Variants in SDK1 observed in about 807,000 individuals in gnomAD.
The protein encoded by SDK1 is sidekick cell adhesion molecule 1.
A neutral mutation model predicts 245.5 loss-of-function variants in SDK1; 157 were observed. That is an observed-to-expected ratio of 0.64 (90% CI 0.56 to 0.73). The LOEUF is 0.73. SDK1 is among the 30% of genes least tolerant of loss of function. The probability of loss-of-function intolerance (pLI) is 0.00; values close to 1 mark genes in which losing one functional copy is unlikely to be tolerated. For missense variants in SDK1, 3,583 were observed against 3,002.3 expected, an observed-to-expected ratio of 1.19 and a Z score of -4.52; for synonymous variants, 1,647 against 1,278.5, an observed-to-expected ratio of 1.29 and a Z score of -6.15.
chr7:3,466,266 G>T (rs570158685), intron 1 of SDK1, among the ~76,000 whole-genome samples: 252 of 151,690 alleles, frequency 1.7e-3, no homozygotes, highest in African/African-American at 5.9e-3. Context: ...TGGGAGCCGT[G>T]TTCTGCAGGC....
intron 5 of SDK1, among the ~76,000 whole-genome samples, chr7:3,839,159 G>A (rs898119700): frequency 6.6e-6 from 1 of 152,158 alleles, no homozygotes; most frequent in Non-Finnish European, 1.5e-5. Flanking sequence ...CCTCTCAGCT[G>A]TCCTTTCACG....
chr7:4,206,654 C>T (rs887998197), intron 36 of SDK1, among the ~76,000 whole-genome samples: 3 of 151,904 alleles, frequency 2.0e-5, no homozygotes, highest in African/African-American at 4.8e-5. Flanking sequence ...ATCCATGGGG[C>T]GGGAAGCACC....
At chr7:3,597,069 A>C (rs1157530177) in intron 1 of SDK1, among the ~76,000 whole-genome samples, 5 of 151,752 alleles carry the variant, frequency 3.3e-5, no homozygotes, top group Non-Finnish European at 7.4e-5. Context: ...AGGAGATCGA[A>C]ACCATCCTGG....
intron 35 of SDK1, among the ~76,000 whole-genome samples, chr7:4,182,780 C>T (rs1782672758): frequency 6.6e-6 from 1 of 152,180 alleles, no homozygotes; most frequent in African/African-American, 2.4e-5. Context: ...GGTGAGGGTG[C>T]ACAGGCTGGC....
chr7:3,455,839 TTG>T (rs1427856527), intron 1 of SDK1, among the ~76,000 whole-genome samples: 1 of 152,234 alleles, frequency 6.6e-6, no homozygotes, highest in African/African-American at 2.4e-5. Flanking sequence ...TTGATAGGAA[TTG>T]TGTTAAGCCA....
intron 1 of SDK1, among the ~76,000 whole-genome samples, chr7:3,504,547 G>C (rs2128609370): frequency 6.6e-6 from 1 of 152,240 alleles, no homozygotes; most frequent in South Asian, 2.1e-4. Flanking sequence ...ATGCTATTAA[G>C]ACGGTTAAAC....
chr7:3,737,223 G>A (rs1779340767), intron 4 of SDK1, among the ~76,000 whole-genome samples: 1 of 152,206 alleles, frequency 6.6e-6, no homozygotes, highest in African/African-American at 2.4e-5. Context: ...CATAGGCTGG[G>A]CTCCGCAGTT....
rs944001058 is a variant in SDK1 at position 4,113,243 on chromosome 7, C to G, written c.3435-46C>G. 3 of 1,591,478 alleles carry G rather than the reference C, an allele frequency of 1.9e-6. No individual in the cohort carries two copies. The African/African-American group carries it at 4.1e-5, about 21-fold the overall frequency. On this transcript the variant is annotated intron_variant, in intron 23 of 44. Coordinates refer to ENST00000404826, the MANE Select transcript of SDK1 (RefSeq NM_152744.4). ...CCTTTGTGGTTTCGTTCTTTTCCTT[C>G]TTACCTTTGCTTTGCCGTGACTCTC...
intron 2 of SDK1, among the ~76,000 whole-genome samples, chr7:3,624,266 C>G (rs1046713320): frequency 6.6e-6 from 1 of 152,192 alleles, no homozygotes; most frequent in Non-Finnish European, 1.5e-5. Flanking sequence ...GTGGCCTGAT[C>G]ATGGCTTACT....
chr7:3,670,183 T>C (rs567028518), intron 4 of SDK1, among the ~76,000 whole-genome samples: 1 of 152,352 alleles, frequency 6.6e-6, no homozygotes, highest in African/African-American at 2.4e-5. Context: ...CAGAATGATA[T>C]ATTAATATGA....
chr7:4,076,417 A>G (rs963403260), intron 20 of SDK1, among the ~76,000 whole-genome samples: 2 of 152,132 alleles, frequency 1.3e-5, no homozygotes, highest in Non-Finnish European at 2.9e-5. Context: ...TTAGCCAGGC[A>G]TGGTGGTTCA....
chr7:3,899,710 C>T (rs558694916), intron 5 of SDK1, among the ~76,000 whole-genome samples: 6 of 152,336 alleles, frequency 3.9e-5, no homozygotes, highest in South Asian at 4.1e-4. Flanking sequence ...CCTCCTCTGT[C>T]GGCCATCAGC....
chr7:4,263,294 C>T (rs896445992), intron 44 of SDK1, among the ~76,000 whole-genome samples: 8 of 150,354 alleles, frequency 5.3e-5, no homozygotes, highest in African/African-American at 1.7e-4. Flanking sequence ...ATCTTCCCCA[C>T]CCCTGGGGCT....
chr7:3,408,004 C>T (rs745510920), intron 1 of SDK1, among the ~76,000 whole-genome samples: 6 of 151,700 alleles, frequency 4.0e-5, no homozygotes, highest in East Asian at 1.9e-4. Flanking sequence ...TAGGCAAAGG[C>T]GAGTGTATGA....
intron 1 of SDK1, among the ~76,000 whole-genome samples, chr7:3,337,418 A>G (rs1780231046): frequency 6.6e-6 from 1 of 152,012 alleles, no homozygotes. Context: ...AAGAGATAAC[A>G]CTTGTGTTGT....
At chr7:3,690,437 TC>T in intron 4 of SDK1, among the ~76,000 whole-genome samples, 1 of 152,240 alleles carries the variant, frequency 6.6e-6, no homozygotes, top group East Asian at 1.9e-4. Flanking sequence ...CAGGGATTTA[TC>T]CTTTTATAAT....
intron 5 of SDK1, among the ~76,000 whole-genome samples, chr7:3,936,898 G>A (rs866867674): frequency 6.6e-6 from 1 of 152,154 alleles, no homozygotes; most frequent in Non-Finnish European, 1.5e-5. Context: ...TACAGGTGGG[G>A]ACACTCAGGT....
chr7:3,448,981 TG>T (rs1780431064), intron 1 of SDK1, among the ~76,000 whole-genome samples: 1 of 152,100 alleles, frequency 6.6e-6, no homozygotes, highest in African/African-American at 2.4e-5. Flanking sequence ...TTTAAGACCC[TG>T]GGGAAAAAAG....
intron 42 of SDK1, among the ~76,000 whole-genome samples, chr7:4,239,148 C>T (rs1405273358): frequency 1.3e-5 from 2 of 152,266 alleles, no homozygotes; most frequent in South Asian, 2.1e-4. Flanking sequence ...CATTTATTGC[C>T]GAATGACCCA....
Sources: allele counts gnomAD v4.1 joint callset (sites outside exome capture counted in the v4.1 genomes callset), GRCh38; gene constraint gnomAD v4.1.1; transcripts MANE v1.5; gene names NCBI Gene and HGNC (gene_info 2026-07-23, HGNC 2026-07-21).